Variants in SH3YL1 observed in about 807,000 individuals in gnomAD.
The protein encoded by SH3YL1 is SH3 domain-containing YSC84-like protein 1.
Under a neutral mutation model 45.8 loss-of-function variants are expected in SH3YL1, and 41 were observed. The ratio of observed to expected loss-of-function variants is 0.89; its 90% CI spans 0.70 to 1.16. SH3YL1 has a LOEUF of 1.16. SH3YL1 is among the 50% of genes most tolerant of loss of function. SH3YL1 has a pLI of 0.00. For missense variants in SH3YL1, 389 were observed against 409.6 expected (o/e 0.95, Z 0.43); for synonymous variants, 152 against 151.4 (o/e 1.00, Z -0.03).
At chr2:244,556 G>C (rs1016357164) in intron 4 of SH3YL1, 7 of 98,614 alleles carry the variant, frequency 7.1e-5, no homozygotes, top group African/African-American at 2.1e-4. Flanking sequence ...AGAAAGAAAA[G>C]AAAAGAAAAG....
chr2:221,469 T>C (rs773358805), intron 9 of SH3YL1, among the ~76,000 whole-genome samples: 1 of 152,226 alleles, frequency 6.6e-6, no homozygotes, highest in Non-Finnish European at 1.5e-5. Flanking sequence ...CACACCTGGT[T>C]TGGTCCCTGC....
At chr2:250,082 C>T (rs1176146374) in intron 2 of SH3YL1, among the ~76,000 whole-genome samples, 1 of 152,202 alleles carries the variant, frequency 6.6e-6, no homozygotes, top group East Asian at 1.9e-4. Flanking sequence ...AATATCCTCA[C>T]ATCCTGTAAC....
intron 4 of SH3YL1, among the ~76,000 whole-genome samples, chr2:236,100 T>G (rs1402484668): frequency 3.0e-5 from 1 of 32,992 alleles, no homozygotes; most frequent in African/African-American, 1.2e-4. Flanking sequence ...GCAGCATGGG[T>G]CAGGGGAGGC....
chr2:247,491 G>A (rs1175157229), intron 4 of SH3YL1, 47 bp downstream of exon 4: 2 of 1,439,652 alleles, frequency 1.4e-6, no homozygotes, highest in Admixed American at 4.3e-5. Context: ...CATCTTAGGT[G>A]TCTTCAGAGG....
intron 9 of SH3YL1, among the ~76,000 whole-genome samples, chr2:219,762 C>T (rs745966621): frequency 6.6e-6 from 1 of 152,130 alleles, no homozygotes; most frequent in African/African-American, 2.4e-5. Flanking sequence ...TTGAAGATTG[C>T]AGCCCAGTTA....
chr2:247,533 C>T lies in SH3YL1; in HGVS notation c.291+5G>A, dbSNP rs1668876622. On this transcript the variant is annotated splice_donor_5th_base_variant and intron_variant, in intron 4 of 9. Transcript: ENST00000356150. ...CAGTTGTATGGACGTGCACAAGCTA[C>T]TTACCTCAATTCCTATTTCAAATCC... 9 of 1,551,094 alleles carry T rather than the reference C, an allele frequency of 5.8e-6. No individual in the cohort carries two copies. In the East Asian group the frequency reaches 2.2e-4, roughly 38 times the overall value.
intron 4 of SH3YL1, chr2:240,645 A>G (rs1206783282): frequency 1.3e-5 from 2 of 152,218 alleles, no homozygotes; most frequent in African/African-American, 4.8e-5. Context: ...CAAACTGTGG[A>G]GCAATTTATG....
At chr2:256,764 G>C (rs1317090751) in intron 1 of SH3YL1, 6 of 152,216 alleles carry the variant, frequency 3.9e-5, no homozygotes. Flanking sequence ...GCCAGTTCAT[G>C]TGGTAAATGT....
At chr2:229,674 A>G (rs997220562) in intron 8 of SH3YL1, among the ~76,000 whole-genome samples, 1 of 142,758 alleles carries the variant, frequency 7.0e-6, no homozygotes, top group Non-Finnish European at 1.5e-5. Context: ...GCTTGCAGTG[A>G]GCCGAGATCC....
At chr2:227,385 T>C (rs919918715) in intron 8 of SH3YL1, among the ~76,000 whole-genome samples, 1 of 152,142 alleles carries the variant, frequency 6.6e-6, no homozygotes, top group Non-Finnish European at 1.5e-5. Flanking sequence ...ATTGTGACAC[T>C]GTTTGGCATG....
chr2:242,828 G>A, intron 4 of SH3YL1: 1 of 1,533,578 alleles, frequency 6.5e-7, no homozygotes, highest in Non-Finnish European at 8.8e-7. Context: ...GATGGAGAAA[G>A]ATGTGTCATG....
chr2:238,934 G>T (rs1668422539), intron 4 of SH3YL1, among the ~76,000 whole-genome samples: 1 of 152,148 alleles, frequency 6.6e-6, no homozygotes, highest in South Asian at 2.1e-4. Flanking sequence ...TCTCCACCCT[G>T]TAGAATCTGG....
chr2:231,068 T>A lies in SH3YL1; in HGVS notation c.657A>T (p.Gln219His). 1.2e-6 allele frequency: 2 copies of A among 1,614,182 alleles called. No individual in the cohort carries two copies. Among genetic ancestry groups the A allele is most frequent in the Non-Finnish European group, 1.7e-6 (2 of 1,180,022 alleles). ...SFTEKYENEG[Q>H]RINARKAARE... Reference sequence around the variant, plus strand: ...TTGCTGCTTTTCTTGCATTGATTCGTTGTCCTTCATTTTCATACTTTTCAG... The same window carrying A: ...TTGCTGCTTTTCTTGCATTGATTCGATGTCCTTCATTTTCATACTTTTCAG... The change falls in exon 7 of 10, where the codon CAA becomes CAT. Residue 219 changes from glutamine to histidine, a missense_variant. Transcript: ENST00000356150.
At chr2:239,986 T>C in intron 4 of SH3YL1, 1 of 152,376 alleles carries the variant, frequency 6.6e-6, no homozygotes, top group Non-Finnish European at 1.5e-5. Context: ...ACAGACTTCC[T>C]TCCCCCAGCC....
intron 9 of SH3YL1, among the ~76,000 whole-genome samples, chr2:223,545 G>A (rs1667666933): frequency 6.6e-6 from 1 of 152,122 alleles, no homozygotes; most frequent in Non-Finnish European, 1.5e-5. Flanking sequence ...AAAAATCTAG[G>A]TGTTTACGCT....
chr2:232,126 A>C (rs1378835368), intron 6 of SH3YL1, among the ~76,000 whole-genome samples: 2 of 151,942 alleles, frequency 1.3e-5, no homozygotes, highest in Non-Finnish European at 2.9e-5. Flanking sequence ...GCCTTTACAC[A>C]TATTTTAGTG....
At chr2:226,490 G>C (rs757639477) in intron 8 of SH3YL1, among the ~76,000 whole-genome samples, 6 of 152,196 alleles carry the variant, frequency 3.9e-5, no homozygotes, top group Non-Finnish European at 8.8e-5. Context: ...ACAAGGAGAT[G>C]TGACAAGCCT....
intron 4 of SH3YL1, among the ~76,000 whole-genome samples, chr2:238,531 C>T (rs1446134493): frequency 4.6e-5 from 7 of 152,084 alleles, no homozygotes; most frequent in Non-Finnish European, 7.4e-5. Context: ...AAAAAGCAGT[C>T]GTTTTTGTTT....
chr2:224,969 T>G, intron 8 of SH3YL1, 49 bp from the exon 9 acceptor site: 1 of 1,455,020 alleles, frequency 6.9e-7, no homozygotes, highest in South Asian at 1.2e-5. Context: ...TTAGTATATA[T>G]CATACAAAAT....
Sources: allele counts gnomAD v4.1 joint callset (sites outside exome capture counted in the v4.1 genomes callset), GRCh38; gene constraint gnomAD v4.1.1; transcripts MANE v1.5; gene names NCBI Gene and HGNC (gene_info 2026-07-23, HGNC 2026-07-21).